Variants in RLF observed in about 807,000 individuals in gnomAD.
RLF encodes the protein RLF zinc finger.
RLF carries 7 observed loss-of-function variants against 162.9 expected under a neutral mutation model. That is an observed-to-expected ratio of 0.04 (90% confidence interval 0.02 to 0.08). RLF has a LOEUF of 0.08. RLF is among the 10% of genes least tolerant of loss of function. The pLI, the probability that RLF is intolerant of heterozygous loss-of-function variation, is 1.00. For missense variants in RLF, 1,664 were observed against 2,244.7 expected (o/e 0.74, Z 5.23); for synonymous variants, 782 against 791.5 (o/e 0.99, Z 0.20).
intron 1 of RLF, among the ~76,000 whole-genome samples, chr1:40,177,593 A>G (rs1157636282): frequency 6.6e-6 from 1 of 152,144 alleles, no homozygotes; most frequent in Non-Finnish European, 1.5e-5. Flanking sequence ...GCACCGGCCA[A>G]CAGTGTATTT....
chr1:40,235,737 TATATA>T, intron 7 of RLF, 50 bp from the exon 8 acceptor site: 1 of 1,301,948 alleles, frequency 7.7e-7, no homozygotes, highest in Non-Finnish European at 1.0e-6. Flanking sequence ...CAGTGAAAGT[TATATA>T]ATCTTTCTGT....
At chr1:40,167,200 A>T (rs868404835) in intron 1 of RLF, among the ~76,000 whole-genome samples, 2 of 152,172 alleles carry the variant, frequency 1.3e-5, no homozygotes, top group Admixed American at 6.5e-5. Flanking sequence ...ATAGGACAAT[A>T]GTTTGGAGAT....
At chr1:40,175,929 C>T (rs1433786685) in intron 1 of RLF, among the ~76,000 whole-genome samples, 2 of 152,002 alleles carry the variant, frequency 1.3e-5, no homozygotes, top group Admixed American at 6.6e-5. Flanking sequence ...CTCTTGTATA[C>T]ATACCCTCCC....
chr1:40,202,727 G>C, intron 5 of RLF, 113 bp downstream of exon 5: 1 of 617,612 alleles, frequency 1.6e-6, no homozygotes, highest in Non-Finnish European at 2.7e-6. Context: ...ATTTTTTTCA[G>C]GCTACCAAAA....
chr1:40,194,893 G>A (rs1380079437), intron 3 of RLF, among the ~76,000 whole-genome samples: 3 of 151,614 alleles, frequency 2.0e-5, no homozygotes, highest in Admixed American at 1.3e-4. Context: ...GAGCGCAGTG[G>A]CACAATCATG....
In RLF at chr1:40,232,216, T is replaced by TAA. The variant is rs536086286; in HGVS notation, c.1089+571_1089+572dup. Among the ~76,000 whole-genome samples the TAA allele has an allele frequency of 5.7e-5, 8 of 140,844 alleles. No individual in the cohort carries two copies. In the East Asian group the frequency reaches 8.2e-4, roughly 14 times the overall value. 92.4% of individuals were successfully genotyped at this position (140,844 alleles called of 152,430 possible). On this transcript the variant is annotated intron_variant, in intron 7 of 7. Transcript: ENST00000372771. Reference sequence around the variant, plus strand: ...GAGTGAGACTTGGTCTTTTTTTTTTTAAAAAAAAAAAAAAGAACATTTCAA... The same window carrying TAA: ...GAGTGAGACTTGGTCTTTTTTTTTTTAAAAAAAAAAAAAAAAGAACATTTCAA...
chr1:40,161,954 A>G lies in RLF; in HGVS notation c.237+318A>G. On this transcript the variant is annotated intron_variant, in intron 1 of 7. Transcript: ENST00000372771. This position sits in a 1 kb window ranked among gnomAD's most constrained non-coding sequence, Gnocchi z 4.4. The stretch of plus-strand genomic sequence containing the variant: ...GTGGTTGGAGCGCCACTGCCCCCTG[A>G]GGGATTGATTGCTTGTCCCTGCCGG... Among the ~76,000 whole-genome samples the G allele has an allele frequency of 6.6e-6, 1 of 152,132 alleles. No homozygotes were observed. Among genetic ancestry groups the G allele is most frequent in the Non-Finnish European group, 1.5e-5 (1 of 68,026 alleles).
At chr1:40,202,343 T>A (rs1642728870) in intron 4 of RLF, 69 bp from the exon 5 acceptor site, 2 of 1,016,052 alleles carry the variant, frequency 2.0e-6, no homozygotes, top group Non-Finnish European at 2.8e-6. Context: ...GATCTCAAAC[T>A]TTCATCTTAG....
rs10889205 is a variant in RLF at position 40,240,054 on chromosome 1, A to T, written c.5352A>T (p.Glu1784Asp). 317,030 of 1,613,606 alleles carry T rather than the reference A, an allele frequency of 0.2. 32,781 individuals carry two copies. The highest frequency in any genetic ancestry group is 0.24 in the African/African-American group (17,856 of 74,982). The stretch of plus-strand genomic sequence containing the variant: ...TTATTCAGGAAAGTGAAGAGAAAGA[A>T]GATGATTTTGATGATTGGGAGCCTT... ...LKFIQESEEK[E>D]DDFDDWEPSE... Residue 1784 changes from glutamate to aspartate, a missense_variant, in exon 8 of 8, where the codon GAA (glutamate) becomes GAT (aspartate). Coordinates refer to ENST00000372771, the MANE Select transcript of RLF (RefSeq NM_012421.4).
chr1:40,194,020 A>C (rs1642595841), intron 3 of RLF, among the ~76,000 whole-genome samples: 2 of 152,314 alleles, frequency 1.3e-5, no homozygotes, highest in South Asian at 4.1e-4. Flanking sequence ...CATAATCAAT[A>C]ATACTCAGTA....
chr1:40,171,551 A>G (rs1642245508), intron 1 of RLF, among the ~76,000 whole-genome samples: 1 of 152,204 alleles, frequency 6.6e-6, no homozygotes, highest in East Asian at 1.9e-4. Context: ...TGTTTAAAAT[A>G]TATAAAGTAT....
intron 1 of RLF, among the ~76,000 whole-genome samples, chr1:40,182,193 G>C (rs1642413662): frequency 6.6e-6 from 1 of 152,144 alleles, no homozygotes; most frequent in Non-Finnish European, 1.5e-5. Context: ...CAGCACTTTG[G>C]GAGCCCGAGG....
chr1:40,184,618 C>T (rs1642447590), intron 1 of RLF, among the ~76,000 whole-genome samples: 2 of 152,148 alleles, frequency 1.3e-5, no homozygotes, highest in African/African-American at 4.8e-5. Context: ...AGGTATATAG[C>T]AAGGACTTGA....
chr1:40,234,979 T>C (rs1032111111), intron 7 of RLF, among the ~76,000 whole-genome samples: 1 of 152,166 alleles, frequency 6.6e-6, no homozygotes, highest in Non-Finnish European at 1.5e-5. Context: ...TACCAGATTC[T>C]TTCAGGAGGA....
chr1:40,183,493 T>C (rs1382931004), intron 1 of RLF, among the ~76,000 whole-genome samples: 1 of 152,192 alleles, frequency 6.6e-6, no homozygotes, highest in African/African-American at 2.4e-5. Flanking sequence ...AAGTTAGATG[T>C]TGTAAACTCG....
chr1:40,232,758 G>A (rs1408812485), intron 7 of RLF, among the ~76,000 whole-genome samples: 1 of 152,174 alleles, frequency 6.6e-6, no homozygotes, highest in Admixed American at 6.5e-5. Flanking sequence ...AGGCTGTAGT[G>A]CAGTGGTGCG....
chr1:40,192,789 A>G (rs1224742680), intron 3 of RLF, among the ~76,000 whole-genome samples: 2 of 152,230 alleles, frequency 1.3e-5, no homozygotes, highest in African/African-American at 4.8e-5. Flanking sequence ...AATGGTATTA[A>G]GGATACTTTT....
At chr1:40,175,474 C>T (rs370241258) in intron 1 of RLF, among the ~76,000 whole-genome samples, 3 of 152,072 alleles carry the variant, frequency 2.0e-5, no homozygotes, top group African/African-American at 7.2e-5. Flanking sequence ...TATGGTGAAA[C>T]CCTGTCTCTA....
Position 40,182,273 on chromosome 1 carries a change from A to G in RLF, c.238-6782A>G, listed in dbSNP as rs553905359. On this transcript the variant is annotated intron_variant, in intron 1 of 7. Transcript: ENST00000372771. Reference sequence around the variant, plus strand: ...ATGGTGAAACCCCCGTCTCTACTAAAAATACAAAAAATTAGCCAGGCATGG... The same window carrying G: ...ATGGTGAAACCCCCGTCTCTACTAAGAATACAAAAAATTAGCCAGGCATGG... 3.9e-5 allele frequency among the ~76,000 whole-genome samples: 6 copies of G among 152,228 alleles called. No individual in the cohort carries two copies. In the South Asian group the frequency reaches 6.2e-4, roughly 16 times the overall value.
Sources: gnomAD v4.1 joint callset for allele counts (sites outside exome capture counted in the v4.1 genomes callset) on GRCh38, gnomAD v4.1.1 for gene constraint, Gnocchi (gnomAD v3.1) non-coding constraint, MANE v1.5 for transcripts, NCBI Gene and HGNC (gene_info 2026-07-23, HGNC 2026-07-21) for gene names.